FNDC3B: variants seen among roughly 807,000 people sequenced by gnomAD.
The protein encoded by FNDC3B is fibronectin type III domain containing 3B.
FNDC3B carries 12 observed loss-of-function variants against 151.5 expected under a neutral mutation model. The observed-to-expected ratio is 0.08, with a 90% CI of 0.05 to 0.13. The LOEUF (loss-of-function observed/expected upper bound fraction) is 0.13, where lower values mean the gene tolerates loss of function less well. Among genes scored for constraint, FNDC3B ranks in the 10% least tolerant of loss-of-function variants. The probability of loss-of-function intolerance (pLI) is 1.00; values close to 1 mark genes in which losing one functional copy is unlikely to be tolerated. For missense variants in FNDC3B, 1,214 were observed against 1,505.3 expected, an observed-to-expected ratio of 0.81 and a Z score of 3.20; for synonymous variants, 528 against 549.0, an observed-to-expected ratio of 0.96 and a Z score of 0.54.
intron 10 of FNDC3B, among the ~76,000 whole-genome samples, chr3:172,309,444 T>C (rs1266315314): frequency 7.0e-6 from 1 of 142,136 alleles, no homozygotes; most frequent in East Asian, 1.9e-4. Context: ...AGAACAGTTT[T>C]TTTTTGAGTT....
At chr3:172,244,216 A>G (rs62281804) in intron 4 of FNDC3B, among the ~76,000 whole-genome samples, 22,600 of 152,156 alleles carry the variant, frequency 0.15, 1,822 homozygotes, top group African/African-American at 0.21. Context: ...CAGGTGATTC[A>G]TCTGCCTCTG....
intron 1 of FNDC3B, among the ~76,000 whole-genome samples, chr3:172,092,377 C>A (rs1162145985): frequency 1.3e-5 from 2 of 152,224 alleles, no homozygotes; most frequent in African/African-American, 4.8e-5. Flanking sequence ...CAAAAAGATT[C>A]TTCCTTAATT....
intron 3 of FNDC3B, among the ~76,000 whole-genome samples, chr3:172,182,058 C>A (rs1472720069): frequency 6.6e-6 from 1 of 152,124 alleles, no homozygotes; most frequent in African/African-American, 2.4e-5. Context: ...GTATGTGTTA[C>A]CTTGTCAACA....
At chr3:172,209,758 T>C (rs534623800) in intron 3 of FNDC3B, among the ~76,000 whole-genome samples, 3 of 152,322 alleles carry the variant, frequency 2.0e-5, no homozygotes, top group African/African-American at 7.2e-5. Context: ...TAGGAAACTG[T>C]CTGCCTCCCA....
chr3:172,114,384 A>G lies in FNDC3B; in HGVS notation c.111+1794A>G, dbSNP rs114990682. Among the ~76,000 whole-genome samples, 432 of 152,306 alleles carry G rather than the reference A, an allele frequency of 2.8e-3. 4 individuals carry two copies. The highest frequency in any genetic ancestry group is 9.7e-3 in the African/African-American group (404 of 41,578). On this transcript the variant is annotated intron_variant, in intron 2 of 25. Transcript: ENST00000415807. ...ACTTGGAAAATGACTTAGGTCTCTCAGATGTGGTCACCTCATTCCCATTTG... is the reference window on the plus strand; with the variant it reads ...ACTTGGAAAATGACTTAGGTCTCTCGGATGTGGTCACCTCATTCCCATTTG...
chr3:172,312,714 G>A (rs56189830), intron 11 of FNDC3B, among the ~76,000 whole-genome samples: 29,281 of 151,926 alleles, frequency 0.19, 3,106 homozygotes, highest in South Asian at 0.29. Flanking sequence ...GCCTAAGACC[G>A]TGAGTTCCTA....
chr3:172,338,593 C>T (rs1424618305), intron 16 of FNDC3B, among the ~76,000 whole-genome samples: 1 of 152,106 alleles, frequency 6.6e-6, no homozygotes, highest in African/African-American at 2.4e-5. Flanking sequence ...TCCTTAGTGC[C>T]TTTTTAAAAA....
intron 6 of FNDC3B, among the ~76,000 whole-genome samples, chr3:172,270,279 G>A (rs981010286): frequency 6.6e-6 from 1 of 152,120 alleles, no homozygotes. Flanking sequence ...CTTAAAATTC[G>A]TTCTCTGCAC....
chr3:172,338,039 T>TA (rs1445580698), intron 16 of FNDC3B: 1 of 152,518 alleles, frequency 6.6e-6, no homozygotes, highest in Non-Finnish European at 1.5e-5. Flanking sequence ...GAAATTCTTA[T>TA]AAGCAGCCGA....
chr3:172,348,068 G>C (rs1355601776), intron 21 of FNDC3B, among the ~76,000 whole-genome samples: 1 of 152,140 alleles, frequency 6.6e-6, no homozygotes, highest in Non-Finnish European at 1.5e-5. Context: ...AACATTTCTT[G>C]AGCATTATAG....
chr3:172,299,954 C>T (rs1480680026), intron 9 of FNDC3B, among the ~76,000 whole-genome samples: 1 of 152,186 alleles, frequency 6.6e-6, no homozygotes, highest in Non-Finnish European at 1.5e-5. Context: ...TGCATAAGTT[C>T]TTAAAAATAA....
At chr3:172,154,905 TGCTGGTGGGACAAGTCGGGG>T (rs1393178398) in intron 3 of FNDC3B, among the ~76,000 whole-genome samples, 1 of 151,348 alleles carries the variant, frequency 6.6e-6, no homozygotes, top group Non-Finnish European at 1.5e-5. Context: ...ACAAGTGGGG[TGCTGGTGGGACAAGTCGGGG>T]GCTGGTGATG....
chr3:172,200,079 T>C (rs1266401738), intron 3 of FNDC3B, among the ~76,000 whole-genome samples: 1 of 152,188 alleles, frequency 6.6e-6, no homozygotes, highest in Non-Finnish European at 1.5e-5. Context: ...CCAGAGCCTA[T>C]CCTGATATTA....
chr3:172,241,671 T>A (rs1366199263), intron 4 of FNDC3B, among the ~76,000 whole-genome samples: 1 of 152,110 alleles, frequency 6.6e-6, no homozygotes, highest in East Asian at 1.9e-4. Context: ...CCTGCCCCCA[T>A]GATTCAGTTA....
chr3:172,162,833 A>G (rs1576922419), intron 3 of FNDC3B, among the ~76,000 whole-genome samples: 1 of 152,038 alleles, frequency 6.6e-6, no homozygotes, highest in South Asian at 2.1e-4. Context: ...CAGCTTGTCT[A>G]TTTGTCTCTT....
At chr3:172,186,783 C>T (rs1724207919) in intron 3 of FNDC3B, 1 of 700,624 alleles carries the variant, frequency 1.4e-6, no homozygotes, top group Non-Finnish European at 2.6e-6. Context: ...CTTGTTCTCT[C>T]TCATGTTTCA....
chr3:172,319,734 C>T (rs1006446287), intron 11 of FNDC3B, among the ~76,000 whole-genome samples: 19 of 152,180 alleles, frequency 1.2e-4, no homozygotes, highest in Non-Finnish European at 2.4e-4. Context: ...TGAACACATA[C>T]GTGCTCTTTT....
intron 2 of FNDC3B, among the ~76,000 whole-genome samples, chr3:172,132,447 C>G (rs971610979): frequency 6.6e-5 from 10 of 152,152 alleles, no homozygotes; most frequent in African/African-American, 1.2e-4. Context: ...GCTCTGTCAC[C>G]TAGGCTGGAG....
chr3:172,274,132 A>C (rs188732265), intron 6 of FNDC3B, among the ~76,000 whole-genome samples: 1 of 152,300 alleles, frequency 6.6e-6, no homozygotes, highest in Admixed American at 6.5e-5. Flanking sequence ...AATCTGGAGA[A>C]TTATTATAGG....
Sources: allele counts gnomAD v4.1 joint callset (sites outside exome capture counted in the v4.1 genomes callset), GRCh38; gene constraint gnomAD v4.1.1; transcripts MANE v1.5; gene names NCBI Gene and HGNC (gene_info 2026-07-23, HGNC 2026-07-21).